The following DYNC1I1 variants were observed in gnomAD, a reference collection of about 807,000 sequenced individuals.
DYNC1I1 encodes the protein cytoplasmic dynein 1 intermediate chain 1.
A neutral mutation model predicts 86.6 loss-of-function variants in DYNC1I1; 43 were observed. That is an observed-to-expected ratio of 0.50 (90% confidence interval 0.39 to 0.64). The LOEUF (loss-of-function observed/expected upper bound fraction) is 0.64. Among genes scored for constraint, DYNC1I1 ranks in the 30% least tolerant of loss-of-function variants. The probability of loss-of-function intolerance (pLI) is 0.00; values close to 1 mark genes in which losing one functional copy is unlikely to be tolerated. For synonymous variants in DYNC1I1, 262 were observed against 283.7 expected, an observed-to-expected ratio of 0.92 and a Z score of 0.77; for missense variants, 604 against 788.8, an observed-to-expected ratio of 0.77 and a Z score of 2.81.
intron 10 of DYNC1I1, among the ~76,000 whole-genome samples, chr7:96,014,500 T>C (rs897518315): frequency 1.3e-5 from 2 of 152,212 alleles, no homozygotes; most frequent in African/African-American, 2.4e-5. Flanking sequence ...AAAGGAGCCA[T>C]GTTAGTTCTC....
rs146342054 is a variant in DYNC1I1 at position 95,889,958 on chromosome 7, G to C, written c.490+19960G>C. On this transcript the variant is annotated intron_variant, in intron 6 of 16. Transcript: ENST00000447467. ...GTCAAAAACTAACAGATGCTGGCAA[G>C]GTTGCGGATAAAAGAGAATGCTTAC... 7.2e-5 allele frequency among the ~76,000 whole-genome samples: 11 copies of C among 152,330 alleles called. No homozygotes were observed. The East Asian group carries it at 1.7e-3, about 24-fold the overall frequency.
At chr7:96,079,690 C>A (rs1239298938) in intron 15 of DYNC1I1, among the ~76,000 whole-genome samples, 3 of 152,102 alleles carry the variant, frequency 2.0e-5, no homozygotes, top group Non-Finnish European at 4.4e-5. Context: ...CACGATGTCA[C>A]CCTGGAGACA....
At chr7:96,107,345 C>A (rs576145814) in intron 16 of DYNC1I1, among the ~76,000 whole-genome samples, 8 of 151,314 alleles carry the variant, frequency 5.3e-5, no homozygotes, top group Non-Finnish European at 1.0e-4. Flanking sequence ...TTCATTCATA[C>A]GTTTTGAAGG....
rs564611912 is a variant in DYNC1I1 at position 96,019,336 on chromosome 7, C to T, written c.970-8839C>T. Among the ~76,000 whole-genome samples, 19 of 151,490 alleles carry T rather than the reference C, an allele frequency of 1.3e-4. No individual in the cohort carries two copies. The East Asian group carries it at 3.7e-3, about 29-fold the overall frequency. On this transcript the variant is annotated intron_variant, in intron 10 of 16. Transcript: ENST00000447467. The stretch of plus-strand genomic sequence containing the variant: ...ATCTCCCCAGTCCTTCTATTCCAGC[C>T]TCTGGTAACCAATGTGGGTTTTTAA...
chr7:95,909,701 AT>A (rs961092097), intron 6 of DYNC1I1, among the ~76,000 whole-genome samples: 8 of 152,122 alleles, frequency 5.3e-5, no homozygotes, highest in Non-Finnish European at 7.4e-5. Flanking sequence ...TATTATTTTA[AT>A]TATTTTTATG....
chr7:96,071,658 T>C (rs2116225609), intron 14 of DYNC1I1, among the ~76,000 whole-genome samples: 1 of 152,336 alleles, frequency 6.6e-6, no homozygotes, highest in East Asian at 1.9e-4. Context: ...CCTGTACTTT[T>C]TCTAGCTTTC....
chr7:95,895,816 C>T (rs914876884), intron 6 of DYNC1I1, among the ~76,000 whole-genome samples: 1 of 152,124 alleles, frequency 6.6e-6, no homozygotes. Flanking sequence ...CAAATTTCAA[C>T]AATGCAAAAA....
chr7:96,025,579 A>G (rs972726811), intron 10 of DYNC1I1, among the ~76,000 whole-genome samples: 10 of 152,202 alleles, frequency 6.6e-5, no homozygotes, highest in African/African-American at 2.2e-4. Flanking sequence ...TCAAATTTAA[A>G]TAGAATTCTG....
chr7:95,940,661 G>A (rs1235300187), intron 6 of DYNC1I1, among the ~76,000 whole-genome samples: 3 of 152,092 alleles, frequency 2.0e-5, no homozygotes, highest in South Asian at 2.1e-4. Flanking sequence ...GCTCCTTTAA[G>A]CACTTCTCTG....
intron 1 of DYNC1I1, among the ~76,000 whole-genome samples, chr7:95,788,538 CT>C (rs1194593163): frequency 6.6e-6 from 1 of 152,166 alleles, no homozygotes; most frequent in Non-Finnish European, 1.5e-5. Context: ...ATTGAGGTGA[CT>C]CTCCTACCAG....
At chr7:96,074,140 T>C (rs1279191422) in intron 14 of DYNC1I1, among the ~76,000 whole-genome samples, 2 of 152,224 alleles carry the variant, frequency 1.3e-5, no homozygotes, top group Non-Finnish European at 2.9e-5. Context: ...CAATGTCATA[T>C]AATTCTTTTC....
At position 96,064,693 on chromosome 7, in the gene DYNC1I1, G is replaced by T. The variant is rs190843760; in HGVS notation, c.1510-11364G>T. On this transcript the variant is annotated intron_variant, in intron 14 of 16. Transcript: ENST00000447467. ...GAGAGAGTAGAGGTTTGGTCCTGGG[G>T]AGTCTAGGAAAGCCCAAGCCCAGAG... is the stretch of plus-strand genomic sequence containing the variant. Among the ~76,000 whole-genome samples, 4 of 152,270 alleles carry T rather than the reference G, an allele frequency of 2.6e-5. No homozygotes were observed. In the East Asian group the frequency reaches 7.7e-4, roughly 29 times the overall value.
chr7:95,987,026 T>C, intron 8 of DYNC1I1, 30 bp from the exon 9 acceptor site: 1 of 1,597,914 alleles, frequency 6.3e-7, no homozygotes, highest in Non-Finnish European at 8.6e-7. Flanking sequence ...AAGAGCTCCA[T>C]ATTTATCTCT....
rs779841638 is a variant in DYNC1I1 at position 95,828,096 on chromosome 7, G to A, written c.354G>A (p.Leu118=). ...QWDTDPSVLQ[L]QSDSELGRRL... ...ACACAGACCCCTCAGTGCTCCAGCT[G>A]CAGTCAGACTCAGAACTTGGGTATA... The change falls in exon 5 of 17, where the codon CTG becomes CTA. Residue 118 remains leucine, a synonymous_variant. Transcript: ENST00000447467. 1 of 1,613,786 alleles carries A rather than the reference G, an allele frequency of 6.2e-7. No homozygotes were observed. The highest frequency in any genetic ancestry group is 8.5e-7 in the Non-Finnish European group (1 of 1,179,772).
At chr7:95,814,306 T>C (rs1397742253) in intron 4 of DYNC1I1, among the ~76,000 whole-genome samples, 1 of 152,184 alleles carries the variant, frequency 6.6e-6, no homozygotes, top group African/African-American at 2.4e-5. Flanking sequence ...TGGGCCAGAT[T>C]TGGCCTGTGG....
intron 10 of DYNC1I1, among the ~76,000 whole-genome samples, chr7:96,004,766 G>A (rs1794101517): frequency 6.6e-6 from 1 of 152,098 alleles, no homozygotes; most frequent in African/African-American, 2.4e-5. Flanking sequence ...CTCAAGCAGT[G>A]ACAAAATCCA....
intron 13 of DYNC1I1, among the ~76,000 whole-genome samples, chr7:96,037,816 A>G (rs905713319): frequency 1.1e-4 from 17 of 152,194 alleles, no homozygotes; most frequent in African/African-American, 3.6e-4. Flanking sequence ...TGGTCCATCC[A>G]TCTGAAATAT....
chr7:96,075,896 C>T (rs912814080), intron 14 of DYNC1I1, among the ~76,000 whole-genome samples, 161 bp from the exon 15 acceptor site: 1 of 151,862 alleles, frequency 6.6e-6, no homozygotes, highest in African/African-American at 2.4e-5. Context: ...TGCCACTGGA[C>T]AGTTCTAGTC....
At chr7:95,995,365 C>T (rs2375048) in intron 9 of DYNC1I1, among the ~76,000 whole-genome samples, 74,012 of 151,986 alleles carry the variant, frequency 0.49, 18,324 homozygotes, top group East Asian at 0.63. Flanking sequence ...CAGTAGGTTT[C>T]GTGTGGAAGT....
Sources: allele counts gnomAD v4.1 joint callset (sites outside exome capture counted in the v4.1 genomes callset), GRCh38; gene constraint gnomAD v4.1.1; transcripts MANE v1.5; gene names NCBI Gene and HGNC (gene_info 2026-07-23, HGNC 2026-07-21).